The following ADGRL2 variants were observed in gnomAD, a reference collection of about 807,000 sequenced individuals.
ADGRL2 encodes calcium-independent alpha-latrotoxin receptor 2.
In ADGRL2, 44 loss-of-function variants were observed where a neutral mutation model predicts 157.4. That is an observed-to-expected ratio of 0.28 (90% CI 0.22 to 0.36). The LOEUF (loss-of-function observed/expected upper bound fraction) is 0.36. Among genes scored for constraint, ADGRL2 ranks in the 10% least tolerant of loss-of-function variants. The pLI, the probability that ADGRL2 is intolerant of heterozygous loss-of-function variation, is 1.00. For synonymous variants in ADGRL2, 585 were observed against 624.7 expected (o/e 0.94, Z 0.95); for missense variants, 1,510 against 1,768.9 (o/e 0.85, Z 2.63).
chr1:81,747,052 G>A lies in ADGRL2; in HGVS notation c.-142-14759G>A, dbSNP rs537089342. Among the ~76,000 whole-genome samples the A allele has an allele frequency of 5.6e-5, 8 of 144,052 alleles. 1 individual carries two copies. The East Asian group carries it at 8.3e-4, about 15-fold the overall frequency. 94.5% of individuals were successfully genotyped at this position (144,052 alleles called of 152,430 possible). On this transcript the variant is annotated intron_variant, in intron 1 of 20. Transcript: ENST00000359929. ...TATATACGTATATATATGTATATAC[G>A]TATATACACATGTGTATATATGTAT...
intron 2 of ADGRL2, among the ~76,000 whole-genome samples, chr1:81,481,020 A>G (rs1231268542): frequency 2.0e-5 from 3 of 152,190 alleles, no homozygotes; most frequent in Admixed American, 6.5e-5. Context: ...CAATAAAACT[A>G]CTCATTGGAG....
chr1:81,718,284 C>T (rs1203750473), intron 1 of ADGRL2, among the ~76,000 whole-genome samples: 3 of 152,192 alleles, frequency 2.0e-5, no homozygotes, highest in African/African-American at 7.2e-5. Context: ...TCCCAAAGTA[C>T]TGGGATTACA....
At chr1:81,581,870 G>GCACA (rs1491157569) in intron 3 of ADGRL2, among the ~76,000 whole-genome samples, 16 of 15,542 alleles carry the variant, frequency 1.0e-3, no homozygotes, top group African/African-American at 3.2e-3. Context: ...CCACACACAT[G>GCACA]CGCGCACACA....
At chr1:81,441,802 T>G (rs2077512558) in intron 1 of ADGRL2, among the ~76,000 whole-genome samples, 1 of 152,202 alleles carries the variant, frequency 6.6e-6, no homozygotes, top group Admixed American at 6.5e-5. Context: ...CTTCCCAAAG[T>G]GCTGGGATTA....
intron 1 of ADGRL2, chr1:81,722,571 C>G: frequency 6.7e-7 from 1 of 1,489,416 alleles, no homozygotes; most frequent in South Asian, 1.1e-5. Flanking sequence ...GGAAAGCACA[C>G]AGACGCCTAG....
chr1:81,915,127 C>T (rs1267278419), intron 3 of ADGRL2, among the ~76,000 whole-genome samples: 1 of 152,098 alleles, frequency 6.6e-6, no homozygotes, highest in Non-Finnish European at 1.5e-5. Context: ...CAGGGTCTTA[C>T]AGCTGGAGTG....
At chr1:81,450,803 C>T (rs542901568) in intron 2 of ADGRL2, among the ~76,000 whole-genome samples, 4 of 152,126 alleles carry the variant, frequency 2.6e-5, no homozygotes, top group Admixed American at 6.6e-5. Context: ...ATTATATGTG[C>T]TTTTTCTGGA....
chr1:81,342,819 G>A (rs1662171195), intron 1 of ADGRL2, among the ~76,000 whole-genome samples: 1 of 151,966 alleles, frequency 6.6e-6, no homozygotes, highest in African/African-American at 2.4e-5. Context: ...CTCTGACACA[G>A]AGCTAATAGG....
chr1:81,930,546 G>A (rs2095208288), intron 3 of ADGRL2, among the ~76,000 whole-genome samples: 1 of 152,106 alleles, frequency 6.6e-6, no homozygotes, highest in African/African-American at 2.4e-5. Context: ...TTTGCAAATT[G>A]GGATGGTTAA....
intron 1 of ADGRL2, among the ~76,000 whole-genome samples, chr1:81,801,411 G>GTCTC (rs140144868): frequency 6.6e-6 from 1 of 151,792 alleles, no homozygotes; most frequent in African/African-American, 2.4e-5. Context: ...GCATTCCCCC[G>GTCTC]TCTCTCTCTC....
intron 3 of ADGRL2, among the ~76,000 whole-genome samples, chr1:81,620,308 C>A (rs1172200621): frequency 6.6e-6 from 1 of 152,088 alleles, no homozygotes; most frequent in African/African-American, 2.4e-5. Context: ...ATACATAATT[C>A]ATTTTTGCAT....
chr1:81,802,136 C>T (rs1229340213), intron 1 of ADGRL2, among the ~76,000 whole-genome samples: 3 of 150,978 alleles, frequency 2.0e-5, no homozygotes, highest in Non-Finnish European at 4.4e-5. Flanking sequence ...CGGCCTCGGC[C>T]CTCTCCGGCC....
chr1:81,558,385 A>G (rs543568443), intron 2 of ADGRL2, among the ~76,000 whole-genome samples: 2 of 152,346 alleles, frequency 1.3e-5, no homozygotes, highest in Middle Eastern at 3.4e-3. Context: ...AATTTCTCAC[A>G]TGAATCAGTA....
At chr1:81,772,249 C>CAAAA (rs769058340) in intron 2 of ADGRL2, among the ~76,000 whole-genome samples, 147 of 95,104 alleles carry the variant, frequency 1.5e-3, no homozygotes, top group East Asian at 4.4e-3. Flanking sequence ...GACTCTATCT[C>CAAAA]AAAAAAAAAA....
chr1:81,940,273 A>G (rs2148911049), intron 4 of ADGRL2, among the ~76,000 whole-genome samples: 1 of 151,696 alleles, frequency 6.6e-6, no homozygotes, highest in East Asian at 1.9e-4. Context: ...ACAGCTGTAT[A>G]TAAATTGTAG....
intron 3 of ADGRL2, among the ~76,000 whole-genome samples, chr1:81,649,080 C>T (rs946365825): frequency 2.6e-5 from 4 of 152,216 alleles, no homozygotes; most frequent in African/African-American, 9.6e-5. Flanking sequence ...ACTAAATACC[C>T]AAAGAAAGGA....
At chr1:81,519,318 G>A (rs1223487572) in intron 2 of ADGRL2, among the ~76,000 whole-genome samples, 1 of 152,104 alleles carries the variant, frequency 6.6e-6, no homozygotes, top group Non-Finnish European at 1.5e-5. Flanking sequence ...TGCCTGGGTA[G>A]GTGTAAGAAG....
Position 81,943,702 on chromosome 1 carries a change from T to C in ADGRL2, c.1143T>C (p.Leu381=), listed in dbSNP as rs776381710. Residue 381 remains leucine, a synonymous_variant, in exon 6 of 24, where the codon CTT becomes CTC. Coordinates refer to ENST00000686636, the MANE Select transcript of ADGRL2 (RefSeq NM_001366006.2). The surrounding 1 kb of genome is among the most constrained non-coding windows in gnomAD (Gnocchi z 5.6). ...AVDYNPRDNQ[L]YVWNNNFILR... ...ATTACAATCCAAGAGATAACCAACTTTACGTGTGGAACAATAACTTCATTT... is the reference window on the plus strand; with the variant it reads ...ATTACAATCCAAGAGATAACCAACTCTACGTGTGGAACAATAACTTCATTT... 2 of 1,613,620 alleles carry C rather than the reference T, an allele frequency of 1.2e-6. No homozygotes were observed. The highest frequency in any genetic ancestry group is 1.7e-6 in the Non-Finnish European group (2 of 1,179,640).
chr1:81,463,173 G>A (rs1448841475), intron 2 of ADGRL2, among the ~76,000 whole-genome samples: 1 of 151,266 alleles, frequency 6.6e-6, no homozygotes, highest in African/African-American at 2.4e-5. Context: ...AAACTTTGTA[G>A]GAAGTACAAA....
Sources: gnomAD v4.1 joint callset for allele counts (sites outside exome capture counted in the v4.1 genomes callset) on GRCh38, gnomAD v4.1.1 for gene constraint, Gnocchi (gnomAD v3.1) non-coding constraint, MANE v1.5 for transcripts, NCBI Gene and HGNC (gene_info 2026-07-23, HGNC 2026-07-21) for gene names.